Variants in VEGFB observed in about 807,000 individuals in gnomAD.
VEGFB encodes the protein VEGF-related factor.
VEGFB carries 24 observed loss-of-function variants against 22.5 expected under a neutral mutation model. That is an observed-to-expected ratio of 1.07 (90% confidence interval 0.77 to 1.50). VEGFB has a LOEUF of 1.50. VEGFB is among the 40% of genes most tolerant of loss of function. The probability of loss-of-function intolerance (pLI) is 0.00; values close to 1 mark genes in which losing one functional copy is unlikely to be tolerated. For missense variants in VEGFB, 327 were observed against 287.8 expected (o/e 1.14, Z -0.99); for synonymous variants, 141 against 117.4 (o/e 1.20, Z -1.30).
rs1204240810 is a variant in VEGFB, at chr11:64,235,327, G to C, written c.61-131G>C. 1.1e-5 allele frequency: 10 copies of C among 900,544 alleles called. No homozygotes were observed. In the East Asian group the frequency reaches 2.2e-4, roughly 20 times the overall value. 55.8% of individuals were successfully genotyped at this position (900,544 alleles called of 1,614,324 possible). On this transcript the variant is annotated intron_variant, in intron 1 of 6. Transcript: ENST00000309422. ...GGTAAAGCTAGAGCAGTGGCCGCAGGAACAGAGCAATCTGGAAAGATGTCA... is the reference window on the plus strand; with the variant it reads ...GGTAAAGCTAGAGCAGTGGCCGCAGCAACAGAGCAATCTGGAAAGATGTCA...
intron 4 of VEGFB, among the ~76,000 whole-genome samples, chr11:64,236,594 G>A (rs1219172030): frequency 6.6e-6 from 1 of 151,844 alleles, no homozygotes; most frequent in Non-Finnish European, 1.5e-5. Context: ...GCGGGCACCT[G>A]TAGTCCCAGC....
intron 4 of VEGFB, 101 bp downstream of exon 4, chr11:64,236,428 C>T (rs1334858002): frequency 1.6e-6 from 2 of 1,231,080 alleles, no homozygotes; most frequent in African/African-American, 1.5e-5. Flanking sequence ...AAGAGTAGAA[C>T]CAAGGGGCCG....
intron 5 of VEGFB, 41 bp from the exon 6 acceptor site, chr11:64,237,379 C>T (rs1360336249): frequency 3.2e-6 from 5 of 1,543,822 alleles, no homozygotes; most frequent in Non-Finnish European, 4.4e-6. Context: ...CTAGGGAAGA[C>T]TCTTCCTTCC....
chr11:64,237,527 G>T lies in VEGFB; in HGVS notation c.518G>T (p.Gly173Val). ...ATCACCCATCCCACTCCAGCCCCAGGCCCCTCTGCCCACGCTGCACCCAGC... is the reference window on the plus strand; with the variant it reads ...ATCACCCATCCCACTCCAGCCCCAGTCCCCTCTGCCCACGCTGCACCCAGC... ...ADITHPTPAP[G>V]PSAHAAPSTT... Residue 173 changes from glycine (G) to valine (V), a missense_variant, in exon 6 of 7, where the codon GGC becomes GTC. Gly to Val is a moderately radical substitution (Grantham distance 109, BLOSUM62 -3). Transcript: ENST00000309422. 6.2e-7 allele frequency: 1 copy of T among 1,610,588 alleles called. No individual in the cohort carries two copies.
chr11:64,238,399 C>T lies in VEGFB; in HGVS notation c.*66C>T, dbSNP rs1565319191. 2.0e-6 allele frequency: 3 copies of T among 1,536,012 alleles called. No individual in the cohort carries two copies. Among genetic ancestry groups the T allele is most frequent in the Non-Finnish European group, 2.6e-6 (3 of 1,146,854 alleles). ...GTGACACATGGCTTTTCAGACTCAG[C>T]AGGGTGACTTGCCTCAGAGGCTATA... On this transcript the variant is annotated 3_prime_UTR_variant, in exon 7 of 7. Transcript: ENST00000309422.
chr11:64,236,853 C>G (rs1335502420), intron 4 of VEGFB, among the ~76,000 whole-genome samples: 9 of 148,930 alleles, frequency 6.0e-5, no homozygotes, highest in Admixed American at 2.0e-4. Flanking sequence ...CCCAGGCAGG[C>G]AGATCACCTG....
intron 2 of VEGFB, 140 bp from the exon 3 acceptor site, chr11:64,235,673 G>T: frequency 1.6e-6 from 2 of 1,256,266 alleles, no homozygotes; most frequent in Non-Finnish European, 1.1e-6. Flanking sequence ...GGATAAACAG[G>T]GCAGGGGAAG....
chr11:64,237,232 T>G lies in VEGFB; in HGVS notation c.410+10T>G. On this transcript the variant is annotated intron_variant, in intron 5 of 6. Coordinates refer to ENST00000309422, the MANE Select transcript of VEGFB (RefSeq NM_003377.5). ...CTGTGAAGCCAGACAGGTGAGTCTT[T>G]TGGACTCCAGCTGAGTAGGGGTATG... 6.2e-7 allele frequency: 1 copy of G among 1,608,684 alleles called. No homozygotes were observed. The highest frequency in any genetic ancestry group is 8.5e-7 in the Non-Finnish European group (1 of 1,175,858).
At position 64,237,433 on chromosome 11, in the gene VEGFB, C is replaced by T. The variant is rs1024925608; in HGVS notation, c.424C>T (p.His142Tyr). 9.4e-6 allele frequency: 15 copies of T among 1,594,780 alleles called. No individual in the cohort carries two copies. In the African/African-American group the frequency reaches 1.9e-4, roughly 20 times the overall value. Residue 142 changes from histidine (H) to tyrosine (Y), a missense_variant, in exon 6 of 7, where the codon CAC becomes TAC. Coordinates refer to ENST00000309422, the MANE Select transcript of VEGFB (RefSeq NM_003377.5). The stretch of plus-strand genomic sequence containing the variant: ...TCTCCTCCCTAGGGCTGCCACTCCC[C>T]ACCACCGTCCCCAGCCCCGTTCTGT... ...AVKPDRAATP[H>Y]HRPQPRSVPG...
rs573826711 is a variant in VEGFB, at chr11:64,235,466, C to A, written c.69C>A (p.Val23=). 1 of 1,613,926 alleles carries A rather than the reference C, an allele frequency of 6.2e-7. No individual in the cohort carries two copies. The highest frequency in any genetic ancestry group is 8.5e-7 in the Non-Finnish European group (1 of 1,179,976). ...LLQLAPAQAP[V]SQPDAPGHQR... ...TCTTTTCTCTCCCACAGGCCCCTGT[C>A]TCCCAGCCTGATGCCCCTGGCCACC... Residue 23 remains valine, a synonymous_variant, in exon 2 of 7, where the codon GTC becomes GTA. Transcript: ENST00000309422.
chr11:64,237,109 G>GAA, intron 4 of VEGFB, 78 bp from the exon 5 acceptor site: 2 of 664,474 alleles, frequency 3.0e-6, no homozygotes, highest in African/African-American at 4.5e-5. Context: ...GAGAGAGAGA[G>GAA]AGAGAGAGAG....
intron 6 of VEGFB, 143 bp downstream of exon 6, chr11:64,237,798 T>TCCA: frequency 1.3e-6 from 1 of 764,518 alleles, no homozygotes; most frequent in Non-Finnish European, 2.0e-6. Flanking sequence ...ACCAAACAGC[T>TCCA]GCTGGCACCT....
intron 4 of VEGFB, 60 bp from the exon 5 acceptor site, chr11:64,237,127 G>GATATATATATATATAT: frequency 1.2e-6 from 1 of 813,208 alleles, no homozygotes; most frequent in East Asian, 3.2e-5. Context: ...GAGAGAGTAG[G>GATATATATATATATAT]ATGCTGGGAT....
In VEGFB at chr11:64,235,891, T is replaced by C. The variant is rs1352807893; in HGVS notation, c.182T>C (p.Met61Thr). The C allele has an allele frequency of 1.2e-6, 2 of 1,613,848 alleles. No homozygotes were observed. Among genetic ancestry groups the C allele is most frequent in the Non-Finnish European group, 1.7e-6 (2 of 1,179,990 alleles). Residue 61 changes from methionine (M) to threonine (T), a missense_variant, in exon 3 of 7, where the codon ATG (methionine) becomes ACG (threonine). Coordinates refer to ENST00000309422, the MANE Select transcript of VEGFB (RefSeq NM_003377.5). ...EVVVPLTVEL[M>T]GTVAKQLVPS... ...GTGGTGCCCTTGACTGTGGAGCTCA[T>C]GGGCACCGTGGCCAAACAGCTGGTG...
chr11:64,237,106 AG>A, intron 4 of VEGFB, 80 bp from the exon 5 acceptor site: 3 of 868,236 alleles, frequency 3.5e-6, no homozygotes, highest in Non-Finnish European at 3.5e-6. Flanking sequence ...AGAGAGAGAG[AG>A]AGAGAGAGAG....
rs779337820 is a variant in VEGFB, at chr11:64,237,171, C to CT, written c.375-15dup. 3.7e-5 allele frequency: 55 copies of CT among 1,500,524 alleles called. No homozygotes were observed. In the African/African-American group the frequency reaches 6.1e-4, roughly 17 times the overall value. 93.0% of individuals were successfully genotyped at this position (1,500,524 alleles called of 1,614,324 possible). On this transcript the variant is annotated splice_polypyrimidine_tract_variant and intron_variant, in intron 4 of 6. Coordinates refer to ENST00000309422, the MANE Select transcript of VEGFB (RefSeq NM_003377.5). Reference sequence around the variant, plus strand: ...CTTCCTCTTGTTTGTCTGTGTCTGTCTATCTTACTTTTCAGACCTAAAAAA... The same window carrying CT: ...CTTCCTCTTGTTTGTCTGTGTCTGTCTTATCTTACTTTTCAGACCTAAAAAA...
chr11:64,237,493 C>G lies in VEGFB; in HGVS notation c.484C>G (p.Pro162Ala). Reference protein sequence around the residue: ...GWDSAPGAPSPADITHPTPAP... With the variant: ...GWDSAPGAPSAADITHPTPAP... ...GGACTCTGCCCCCGGAGCACCCTCC[C>G]CAGCTGACATCACCCATCCCACTCC... The change falls in exon 6 of 7, where the codon CCA becomes GCA. Residue 162 changes from proline to alanine, a missense_variant. Transcript: ENST00000309422. The G allele has an allele frequency of 1.2e-6, 2 of 1,612,612 alleles. No individual in the cohort carries two copies. Among genetic ancestry groups the G allele is most frequent in the South Asian group, 1.1e-5 (1 of 91,044 alleles).
chr11:64,237,055 C>T (rs565431930), intron 4 of VEGFB, 132 bp from the exon 5 acceptor site: 7 of 743,820 alleles, frequency 9.4e-6, no homozygotes, highest in South Asian at 7.0e-5. Flanking sequence ...TGCACTCCAG[C>T]CTGGGCAAGA....
chr11:64,238,628 G>A lies in VEGFB; in HGVS notation c.*295G>A. On this transcript the variant is annotated 3_prime_UTR_variant, in exon 7 of 7. Coordinates refer to ENST00000309422, the MANE Select transcript of VEGFB (RefSeq NM_003377.5). The stretch of plus-strand genomic sequence containing the variant: ...AGGGGTCACATACCAGCTCAGGGGA[G>A]AATGGAGTACTGTCTCAGTTTCTAA... 1 of 582,166 alleles carries A rather than the reference G, an allele frequency of 1.7e-6. No homozygotes were observed. Among genetic ancestry groups the A allele is most frequent in the Non-Finnish European group, 3.1e-6 (1 of 325,920 alleles). 36.1% of individuals were successfully genotyped at this position (582,166 alleles called of 1,614,324 possible).
Sources: gnomAD v4.1 joint callset for allele counts (sites outside exome capture counted in the v4.1 genomes callset) on GRCh38, gnomAD v4.1.1 for gene constraint, MANE v1.5 for transcripts, NCBI Gene and HGNC (gene_info 2026-07-23, HGNC 2026-07-21) for gene names.